LRP1B: variants seen among roughly 807,000 people sequenced by gnomAD.
The protein encoded by LRP1B is LDL receptor related protein 1B, also known as low-density lipoprotein receptor-related protein 1B.
A neutral mutation model predicts 556.6 loss-of-function variants in LRP1B; 217 were observed. The ratio of observed to expected loss-of-function variants is 0.39; its 90% confidence interval spans 0.35 to 0.44. LRP1B has a LOEUF of 0.44. LRP1B is among the 20% of genes least tolerant of loss of function. The probability of loss-of-function intolerance (pLI) is 1.00; values close to 1 mark genes in which losing one functional copy is unlikely to be tolerated. For synonymous variants in LRP1B, 2,047 were observed against 1,865.8 expected (o/e 1.10, Z -2.50); for missense variants, 5,053 against 5,620.8 (o/e 0.90, Z 3.23).
chr2:141,117,089 C>T (rs753665235), intron 7 of LRP1B, among the ~76,000 whole-genome samples: 2 of 151,940 alleles, frequency 1.3e-5, no homozygotes, highest in Non-Finnish European at 2.9e-5. Flanking sequence ...TTCAGGAATG[C>T]CCCAAGTATC....
intron 2 of LRP1B, among the ~76,000 whole-genome samples, chr2:141,545,090 A>T (rs936316451): frequency 1.3e-5 from 2 of 152,218 alleles, no homozygotes; most frequent in Non-Finnish European, 2.9e-5. Context: ...AGAGAGATCA[A>T]ATAACTTGTC....
chr2:141,087,852 G>C (rs1196403007), intron 7 of LRP1B, among the ~76,000 whole-genome samples: 1 of 148,544 alleles, frequency 6.7e-6, no homozygotes, highest in Non-Finnish European at 1.5e-5. Flanking sequence ...TACTACTGTG[G>C]ATGAGATGCT....
At chr2:140,901,144 C>T (rs145213384) in intron 23 of LRP1B, among the ~76,000 whole-genome samples, 199 of 152,076 alleles carry the variant, frequency 1.3e-3, no homozygotes, top group African/African-American at 4.7e-3. Context: ...GGAAGGGGCT[C>T]CAGGTGGGGG....
chr2:141,388,864 T>C (rs927322414), intron 3 of LRP1B, among the ~76,000 whole-genome samples: 1 of 151,870 alleles, frequency 6.6e-6, no homozygotes, highest in African/African-American at 2.4e-5. Context: ...ACACTAGCAA[T>C]AAACAAAAAT....
intron 1 of LRP1B, among the ~76,000 whole-genome samples, chr2:142,129,587 TC>T (rs1707777018): frequency 0.015 from 17 of 1,126 alleles, no homozygotes; most frequent in South Asian, 0.096. Flanking sequence ...TCTCTCTTTC[TC>T]TCTCTCTCTC....
intron 2 of LRP1B, among the ~76,000 whole-genome samples, chr2:141,630,614 G>GAT (rs1382746613): frequency 1.3e-5 from 2 of 152,268 alleles, no homozygotes; most frequent in Admixed American, 1.3e-4. Context: ...AAAAAGTCAC[G>GAT]ACAGATGGTC....
intron 31 of LRP1B, among the ~76,000 whole-genome samples, chr2:140,833,183 AGAAT>A (rs370222343): frequency 4.6e-5 from 7 of 152,138 alleles, no homozygotes; most frequent in Non-Finnish European, 8.8e-5. Flanking sequence ...AATGGGTTAG[AGAAT>A]GAATGAATGA....
rs115661657 is a variant in LRP1B, at chr2:141,777,980, T to C, written c.205+32299A>G. 3.2e-3 allele frequency among the ~76,000 whole-genome samples: 483 copies of C among 152,288 alleles called. 2 individuals are homozygous for C. The highest frequency in any genetic ancestry group is 0.011 in the African/African-American group (457 of 41,558). ...AATCTATGTATTCTATTTGTATAGATATAGCATAACACATTCAACTACACA... is the reference window on the plus strand; with the variant it reads ...AATCTATGTATTCTATTTGTATAGACATAGCATAACACATTCAACTACACA... On this transcript the variant is annotated intron_variant, in intron 2 of 90. Coordinates refer to ENST00000389484, the MANE Select transcript of LRP1B (RefSeq NM_018557.3).
chr2:141,149,676 G>T (rs111245320), intron 7 of LRP1B, among the ~76,000 whole-genome samples: 1 of 152,020 alleles, frequency 6.6e-6, no homozygotes, highest in Non-Finnish European at 1.5e-5. Context: ...GCACTGCGTC[G>T]GCTTCAGTCT....
intron 3 of LRP1B, among the ~76,000 whole-genome samples, chr2:141,261,633 T>C (rs1309090360): frequency 2.6e-5 from 4 of 152,154 alleles, no homozygotes; most frequent in Non-Finnish European, 2.9e-5. Flanking sequence ...GAGTCTGACA[T>C]CTTTTACTTA....
chr2:141,775,593 T>C (rs564354890), intron 2 of LRP1B, among the ~76,000 whole-genome samples: 5 of 152,250 alleles, frequency 3.3e-5, no homozygotes, highest in Admixed American at 6.5e-5. Flanking sequence ...GAAATATAGG[T>C]GCACTTGAGG....
intron 46 of LRP1B, among the ~76,000 whole-genome samples, chr2:140,535,732 A>G (rs138569546): frequency 3.7e-4 from 57 of 152,302 alleles, no homozygotes; most frequent in African/African-American, 1.2e-3. Context: ...GATCATGCAA[A>G]GACATATTTC....
Position 140,839,101 on chromosome 2 carries a change from A to T in LRP1B, c.5209+890T>A, listed in dbSNP as rs530310719. ...CAAAACCTTGTAATTATCAATAATG[A>T]CACAATAATGATGATCAGGAAAAGA... On this transcript the variant is annotated intron_variant, in intron 31 of 90. Coordinates refer to ENST00000389484, the MANE Select transcript of LRP1B (RefSeq NM_018557.3). 5.3e-5 allele frequency among the ~76,000 whole-genome samples: 8 copies of T among 152,348 alleles called. No individual in the cohort carries two copies. In the East Asian group the frequency reaches 1.5e-3, roughly 29 times the overall value.
At chr2:140,859,986 C>T (rs2105138739) in intron 27 of LRP1B, among the ~76,000 whole-genome samples, 1 of 152,002 alleles carries the variant, frequency 6.6e-6, no homozygotes, top group East Asian at 1.9e-4. Context: ...AAGAGCGAGA[C>T]TCCATCTCAA....
chr2:141,671,218 G>A (rs962179066), intron 2 of LRP1B, among the ~76,000 whole-genome samples: 3 of 152,186 alleles, frequency 2.0e-5, no homozygotes, highest in African/African-American at 4.8e-5. Context: ...CATAACTGCT[G>A]ATTCCAGAGC....
chr2:140,507,289 T>TA (rs1457487902), intron 52 of LRP1B, among the ~76,000 whole-genome samples: 1 of 152,166 alleles, frequency 6.6e-6, no homozygotes, highest in Non-Finnish European at 1.5e-5. Context: ...ATGCCTACAG[T>TA]AATGCTGGTA....
At chr2:141,977,146 CT>C (rs1011526526) in intron 1 of LRP1B, among the ~76,000 whole-genome samples, 2 of 151,954 alleles carry the variant, frequency 1.3e-5, no homozygotes, top group Admixed American at 6.6e-5. Context: ...CAACTTTAAA[CT>C]TTTTTTTGAT....
chr2:141,578,420 GA>G (rs1183679936), intron 2 of LRP1B, among the ~76,000 whole-genome samples: 11 of 144,836 alleles, frequency 7.6e-5, no homozygotes, highest in Admixed American at 2.8e-4. Context: ...AAGAAAAAAA[GA>G]AAAAAAAAAT....
At chr2:140,886,065 A>G in intron 24 of LRP1B, 73 bp downstream of exon 24, 1 of 900,016 alleles carries the variant, frequency 1.1e-6, no homozygotes, top group Non-Finnish European at 1.7e-6. Context: ...AATTTCTTCT[A>G]GTTATAACGT....
Sources: gnomAD v4.1 joint callset for allele counts (sites outside exome capture counted in the v4.1 genomes callset) on GRCh38, gnomAD v4.1.1 for gene constraint, MANE v1.5 for transcripts, NCBI Gene and HGNC (gene_info 2026-07-23, HGNC 2026-07-21) for gene names.